Variants in THSD4 observed in about 807,000 individuals in gnomAD.
THSD4 encodes the protein thrombospondin type 1 domain containing 4.
Under a neutral mutation model 119.0 loss-of-function variants are expected in THSD4, and 69 were observed. The ratio of observed to expected loss-of-function variants is 0.58; its 90% CI spans 0.48 to 0.71. The LOEUF is 0.71. Among genes scored for constraint, THSD4 ranks in the 30% least tolerant of loss-of-function variants. The pLI is 0.00. For synonymous variants in THSD4, 524 were observed against 540.4 expected (o/e 0.97, Z 0.42); for missense variants, 1,393 against 1,391.1 (o/e 1.00, Z -0.02).
At chr15:71,548,829 G>A (rs1417954145) in intron 7 of THSD4, among the ~76,000 whole-genome samples, 2 of 152,200 alleles carry the variant, frequency 1.3e-5, no homozygotes, top group African/African-American at 4.8e-5. Context: ...GGCGAGAGGA[G>A]AGCTCATATG....
intron 2 of THSD4, among the ~76,000 whole-genome samples, chr15:71,148,868 A>G (rs767397953): frequency 4.6e-5 from 7 of 152,162 alleles, no homozygotes; most frequent in Non-Finnish European, 7.3e-5. Context: ...TGTTTGGTAA[A>G]TGACTTAGTC....
At chr15:71,693,198 C>T (rs2052090824) in intron 8 of THSD4, among the ~76,000 whole-genome samples, 3 of 152,110 alleles carry the variant, frequency 2.0e-5, no homozygotes, top group African/African-American at 7.2e-5. Context: ...TCATTGCTAT[C>T]AAAGGATGTG....
At chr15:71,246,275 C>T (rs570583331) in intron 5 of THSD4, among the ~76,000 whole-genome samples, 2 of 152,152 alleles carry the variant, frequency 1.3e-5, no homozygotes, top group East Asian at 3.9e-4. Flanking sequence ...GGGAAATAAA[C>T]GTGACTGGCA....
intron 6 of THSD4, among the ~76,000 whole-genome samples, chr15:71,313,857 A>G (rs2045148640): frequency 6.6e-6 from 1 of 152,258 alleles, no homozygotes; most frequent in East Asian, 1.9e-4. Flanking sequence ...ACTGGCATCA[A>G]TTGTTCCTGT....
intron 7 of THSD4, among the ~76,000 whole-genome samples, chr15:71,454,253 T>A (rs2140592069): frequency 6.6e-6 from 1 of 152,242 alleles, no homozygotes; most frequent in East Asian, 1.9e-4. Flanking sequence ...TGAGACTCCA[T>A]CTCAAACAAA....
At chr15:71,221,731 T>A (rs564348589) in intron 4 of THSD4, among the ~76,000 whole-genome samples, 1 of 152,354 alleles carries the variant, frequency 6.6e-6, no homozygotes, top group East Asian at 1.9e-4. Flanking sequence ...ATAACACTGC[T>A]ATGAACATGG....
chr15:71,500,435 C>T (rs72735323), intron 7 of THSD4, among the ~76,000 whole-genome samples: 3,659 of 152,148 alleles, frequency 0.024, 57 homozygotes, highest in Non-Finnish European at 0.036. Context: ...TTGTCTTTTT[C>T]CTTTGTTGAT....
At chr15:71,126,436 T>A (rs1461372702) in intron 1 of THSD4, among the ~76,000 whole-genome samples, 1 of 152,172 alleles carries the variant, frequency 6.6e-6, no homozygotes, top group South Asian at 2.1e-4. Flanking sequence ...GTGGCCATCA[T>A]GTTGGGGGCC....
intron 4 of THSD4, among the ~76,000 whole-genome samples, chr15:71,241,818 A>T (rs572440053): frequency 6.6e-6 from 1 of 152,210 alleles, no homozygotes; most frequent in African/African-American, 2.4e-5. Flanking sequence ...CCCATGGCCC[A>T]TGGGCGTCAT....
At chr15:71,112,406 A>G (rs57841474), upstream of THSD4, 94,473 of 525,486 alleles carry the variant, frequency 0.18, 10,737 homozygotes, top group African/African-American at 0.44. Flanking sequence ...ACATGACAGA[A>G]GAGTTATGTT....
chr15:71,544,329 A>C (rs923263172), intron 7 of THSD4, among the ~76,000 whole-genome samples: 1 of 152,218 alleles, frequency 6.6e-6, no homozygotes, highest in Non-Finnish European at 1.5e-5. Context: ...CTATTTTAAA[A>C]GTTTTTAAAA....
chr15:71,536,899 A>G (rs1479644264), intron 7 of THSD4, among the ~76,000 whole-genome samples: 2 of 152,248 alleles, frequency 1.3e-5, no homozygotes, highest in South Asian at 4.2e-4. Context: ...TTCTTCCCTT[A>G]TTGATGTAGC....
At chr15:71,423,729 C>T (rs1397910244) in intron 7 of THSD4, among the ~76,000 whole-genome samples, 1 of 152,180 alleles carries the variant, frequency 6.6e-6, no homozygotes, top group African/African-American at 2.4e-5. Context: ...AGCTCCAAGC[C>T]TAACATAGCA....
intron 7 of THSD4, among the ~76,000 whole-genome samples, chr15:71,588,039 G>T (rs1372278127): frequency 6.6e-6 from 1 of 152,010 alleles, no homozygotes; most frequent in African/African-American, 2.4e-5. Context: ...GGGCGCGGTG[G>T]CTCACGCCTG....
intron 3 of THSD4, among the ~76,000 whole-genome samples, chr15:71,205,417 C>G (rs979020991): frequency 2.0e-5 from 3 of 152,174 alleles, no homozygotes; most frequent in East Asian, 1.9e-4. Context: ...AACTACTTAG[C>G]TGCTGGGTGG....
intron 11 of THSD4, among the ~76,000 whole-genome samples, chr15:71,741,457 C>G (rs2053232937): frequency 6.6e-6 from 1 of 152,124 alleles, no homozygotes; most frequent in African/African-American, 2.4e-5. Context: ...CATGCCACTG[C>G]ACTCCAGCCT....
intron 7 of THSD4, among the ~76,000 whole-genome samples, chr15:71,570,060 A>G (rs2049319883): frequency 1.3e-5 from 2 of 152,210 alleles, no homozygotes; most frequent in Admixed American, 6.5e-5. Context: ...GCAATAAAAT[A>G]AAGCGGATAA....
intron 1 of THSD4, among the ~76,000 whole-genome samples, chr15:71,139,103 T>C (rs1464737018): frequency 6.6e-6 from 1 of 152,166 alleles, no homozygotes; most frequent in African/African-American, 2.4e-5. Flanking sequence ...TTCTAGATAG[T>C]TGATTTACTA....
At chr15:71,728,508 C>A (rs1384152304) in intron 8 of THSD4, 41 bp from the exon 9 acceptor site, 1 of 1,607,624 alleles carries the variant, frequency 6.2e-7, no homozygotes, top group African/African-American at 1.3e-5. Context: ...CTTGTGCACA[C>A]CCTGGGCTTA....
Sources: allele counts gnomAD v4.1 joint callset (sites outside exome capture counted in the v4.1 genomes callset), GRCh38; gene constraint gnomAD v4.1.1; transcripts MANE v1.5; gene names NCBI Gene and HGNC (gene_info 2026-07-23, HGNC 2026-07-21).